The following OTOP1 variants were observed in gnomAD, a reference collection of about 807,000 sequenced individuals.
OTOP1 encodes the protein proton channel OTOP1.
A neutral mutation model predicts 52.9 loss-of-function variants in OTOP1; 59 were observed. The observed-to-expected ratio is 1.12, with a 90% CI of 0.91 to 1.39. The LOEUF is 1.39. Among genes scored for constraint, OTOP1 ranks in the 40% most tolerant of loss-of-function variants. The pLI, the probability that OTOP1 is intolerant of heterozygous loss-of-function variation, is 0.00. For missense variants in OTOP1, 761 were observed against 800.9 expected (o/e 0.95, Z 0.60); for synonymous variants, 317 against 337.7 (o/e 0.94, Z 0.67).
intron 1 of OTOP1, among the ~76,000 whole-genome samples, chr4:4,218,713 A>T (rs1717205485): frequency 6.6e-6 from 1 of 152,252 alleles, no homozygotes. Flanking sequence ...GGAACACTTG[A>T]GGTCAGGAGT....
Position 4,188,879 on chromosome 4 carries a change from T to C in OTOP1, c.1763A>G (p.Asn588Ser), listed in dbSNP as rs2108793352. 6.2e-7 allele frequency: 1 copy of C among 1,613,922 alleles called. No homozygotes were observed. Among genetic ancestry groups the C allele is most frequent in the Non-Finnish European group, 8.5e-7 (1 of 1,179,836 alleles). ...GAAAATAGAAAAAGGCATGGCCAGGTTGACCACAATTATCCAGGGTTCAAA... is the reference window on the plus strand; with the variant it reads ...GAAAATAGAAAAAGGCATGGCCAGGCTGACCACAATTATCCAGGGTTCAAA... ...FGFEPWIIVV[N>S]LAMPFSIFYR... The change falls in exon 6 of 6, where the codon AAC becomes AGC. Residue 588 changes from asparagine (N) to serine (S), a missense_variant. Physicochemically the swap from Asn to Ser is conservative, Grantham distance 46. Transcript: ENST00000296358.
chr4:4,220,105 A>ATATATATATATATAT (rs1434375771), intron 1 of OTOP1, among the ~76,000 whole-genome samples: 1 of 59,394 alleles, frequency 1.7e-5, no homozygotes, highest in Non-Finnish European at 3.8e-5. Flanking sequence ...ATATATATAT[A>ATATATATATATATAT]TTTTTTTTTT....
chr4:4,213,567 T>C (rs534399648), intron 1 of OTOP1, among the ~76,000 whole-genome samples: 1 of 152,334 alleles, frequency 6.6e-6, no homozygotes, highest in African/African-American at 2.4e-5. Flanking sequence ...CGTACAGTAC[T>C]GTCCTTTGGT....
At chr4:4,222,694 C>T (rs111587742) in intron 1 of OTOP1, among the ~76,000 whole-genome samples, 15 of 152,304 alleles carry the variant, frequency 9.8e-5, no homozygotes, top group South Asian at 8.3e-4. Flanking sequence ...GGGATCACTG[C>T]TCTTTTTCCT....
Position 4,197,776 on chromosome 4 carries a change from T to C in OTOP1, c.1058A>G (p.Tyr353Cys). 6.2e-7 allele frequency: 1 copy of C among 1,613,914 alleles called. No individual in the cohort carries two copies. ...CATAAGCATCAGCAGGGTGATGGCA[T>C]ACAGGTAGAACATGATGAGTGCCGA... ...SESALIMFYL[Y>C]AITLLMLMGA... is the part of the protein sequence containing the mutation. The change falls in exon 5 of 6, where the codon TAT becomes TGT. Residue 353 changes from tyrosine to cysteine, a missense_variant. Around this residue, in one of 3 missense-constraint regions of OTOP1, gnomAD observed 632 missense variants for 619.5 expected, o/e 1.02. Coordinates refer to ENST00000296358, the MANE Select transcript of OTOP1 (RefSeq NM_177998.3).
rs1717059020 is a variant in OTOP1 at position 4,213,008 on chromosome 4, A to C, written c.404-4T>G. On this transcript the variant is annotated splice_region_variant and splice_polypyrimidine_tract_variant and intron_variant, in intron 1 of 5. Transcript: ENST00000296358. ...ACTGCAAACAATGTGATACTACCTA[A>C]ATGTGGGATGAAGGGGGAAGTGGAA... 1 of 1,613,196 alleles carries C rather than the reference A, an allele frequency of 6.2e-7. No homozygotes were observed. Among genetic ancestry groups the C allele is most frequent in the African/African-American group, 1.3e-5 (1 of 74,926 alleles).
In OTOP1 at chr4:4,197,386, C is replaced by T. The variant is rs752199403; in HGVS notation, c.1448G>A (p.Gly483Asp). The T allele has an allele frequency of 1.9e-6, 3 of 1,614,092 alleles. No homozygotes were observed. The highest frequency in any genetic ancestry group is 2.5e-6 in the Non-Finnish European group (3 of 1,180,018). ...PLASSCPKSG[G>D]VARDVAPQGK... ...CTGGGGAGCCACATCTCTGGCCACA[C>T]CTCCACTCTTGGGGCAGGAAGAAGC... Residue 483 changes from glycine (G) to aspartate (D), a missense_variant, in exon 5 of 6, where the codon GGT becomes GAT. Physicochemically the swap from Gly to Asp is moderately conservative, Grantham distance 94. Around this residue, in one of 3 missense-constraint regions of OTOP1, gnomAD observed 632 missense variants for 619.5 expected, o/e 1.02. Coordinates refer to ENST00000296358, the MANE Select transcript of OTOP1 (RefSeq NM_177998.3).
chr4:4,212,736 T>C (rs1717052446), intron 2 of OTOP1, 132 bp downstream of exon 2: 1 of 1,023,672 alleles, frequency 9.8e-7, no homozygotes, highest in Non-Finnish European at 1.4e-6. Flanking sequence ...CAAAGACAGA[T>C]TTCAGTTCAC....
chr4:4,225,646 T>C (rs1042216052), intron 1 of OTOP1, among the ~76,000 whole-genome samples: 1 of 150,572 alleles, frequency 6.6e-6, no homozygotes, highest in African/African-American at 2.5e-5. Context: ...TGCCTGTGAG[T>C]ACCAGCAGGA....
intron 1 of OTOP1, among the ~76,000 whole-genome samples, chr4:4,224,896 C>T (rs1717390978): frequency 6.6e-6 from 1 of 152,180 alleles, no homozygotes; most frequent in Admixed American, 6.5e-5. Context: ...AAGAAGGTGG[C>T]ATCTGGCCAG....
At chr4:4,215,169 G>A (rs1717111862) in intron 1 of OTOP1, among the ~76,000 whole-genome samples, 1 of 152,142 alleles carries the variant, frequency 6.6e-6, no homozygotes, top group South Asian at 2.1e-4. Flanking sequence ...GGTAAAACTA[G>A]AAGGCAGGTG....
intron 2 of OTOP1, among the ~76,000 whole-genome samples, chr4:4,208,637 G>T (rs1298644689): frequency 6.6e-6 from 1 of 152,130 alleles, no homozygotes; most frequent in Non-Finnish European, 1.5e-5. Flanking sequence ...AGGAAATAGA[G>T]AGTTGTTTAG....
intron 2 of OTOP1, among the ~76,000 whole-genome samples, chr4:4,212,307 G>A (rs141779352): frequency 6.6e-6 from 1 of 152,110 alleles, no homozygotes; most frequent in Non-Finnish European, 1.5e-5. Flanking sequence ...GTTTACCAGT[G>A]CTGTGGGAAA....
chr4:4,218,158 G>C (rs775471200), intron 1 of OTOP1, among the ~76,000 whole-genome samples: 1 of 151,988 alleles, frequency 6.6e-6, no homozygotes. Context: ...TTGGGAGGCC[G>C]AGGCAGATGG....
In OTOP1 at chr4:4,188,931, T is replaced by G. The variant is rs774898827; in HGVS notation, c.1711A>C (p.Asn571His). 3.7e-6 allele frequency: 6 copies of G among 1,613,584 alleles called. No homozygotes were observed. The highest frequency in any genetic ancestry group is 5.1e-6 in the Non-Finnish European group (6 of 1,179,750). ...PAFGCRPEYD[N>H]GLEEIVFGFE... ...CCAAAGACAATCTCCTCCAATCCATTGTCATACTCAGGTCGACAGCCAAAG... is the reference window on the plus strand; with the variant it reads ...CCAAAGACAATCTCCTCCAATCCATGGTCATACTCAGGTCGACAGCCAAAG... Residue 571 changes from asparagine to histidine, a missense_variant, in exon 6 of 6, where the codon AAT (asparagine) becomes CAT (histidine). Physicochemically the swap from Asn to His is moderately conservative, Grantham distance 68 (BLOSUM62 1). This residue lies in a region of OTOP1 where 632 missense variants were observed against 619.5 expected (regional missense o/e 1.02). Coordinates refer to ENST00000296358, the MANE Select transcript of OTOP1 (RefSeq NM_177998.3).
chr4:4,220,346 G>A (rs1051591772), intron 1 of OTOP1, among the ~76,000 whole-genome samples: 7 of 151,978 alleles, frequency 4.6e-5, no homozygotes, highest in African/African-American at 1.7e-4. Flanking sequence ...CAATGAACTT[G>A]CTTTGATATG....
intron 5 of OTOP1, among the ~76,000 whole-genome samples, chr4:4,193,781 T>C (rs1716564221): frequency 6.6e-6 from 1 of 152,244 alleles, no homozygotes; most frequent in Admixed American, 6.5e-5. Context: ...TTCTGGTATT[T>C]CGGACAGTGC....
intron 1 of OTOP1, among the ~76,000 whole-genome samples, chr4:4,223,041 A>G (rs1334700231): frequency 1.3e-5 from 2 of 152,148 alleles, no homozygotes; most frequent in Non-Finnish European, 2.9e-5. Context: ...CTCAAGCCAA[A>G]CCTTCCAGAG....
At chr4:4,194,396 A>T (rs2108795710) in intron 5 of OTOP1, among the ~76,000 whole-genome samples, 1 of 152,350 alleles carries the variant, frequency 6.6e-6, no homozygotes, top group Non-Finnish European at 1.5e-5. Flanking sequence ...GGCATACAGC[A>T]GTTTCCTGGC....
Sources: gnomAD v4.1 joint callset for allele counts (sites outside exome capture counted in the v4.1 genomes callset) on GRCh38, gnomAD v4.1.1 for gene constraint, gnomAD v4.1.1 regional missense constraint, MANE v1.5 for transcripts, NCBI Gene and HGNC (gene_info 2026-07-23, HGNC 2026-07-21) for gene names.